PLXNA4: variants seen among roughly 807,000 people sequenced by gnomAD.
PLXNA4 encodes plexin A4.
PLXNA4 carries 44 observed loss-of-function variants against 191.8 expected under a neutral mutation model. The observed-to-expected ratio is 0.23, with a 90% CI of 0.18 to 0.29. PLXNA4 has a LOEUF of 0.29. Among genes scored for constraint, PLXNA4 ranks in the 10% least tolerant of loss-of-function variants. PLXNA4 has a pLI of 1.00. For missense variants in PLXNA4, 1,800 were observed against 2,488.8 expected, an observed-to-expected ratio of 0.72 and a Z score of 5.89; for synonymous variants, 1,082 against 1,009.5, an observed-to-expected ratio of 1.07 and a Z score of -1.36.
At chr7:132,487,808 A>T (rs899384838) in intron 3 of PLXNA4, among the ~76,000 whole-genome samples, 2 of 152,230 alleles carry the variant, frequency 1.3e-5, no homozygotes, top group Admixed American at 6.5e-5. Context: ...TTCCCTGGGC[A>T]TCCACAAAAC....
At position 132,257,505 on chromosome 7, in the gene PLXNA4, T is replaced by C. The variant is rs1408932427; in HGVS notation, c.1504-16339A>G. Among the ~76,000 whole-genome samples, 5 of 152,136 alleles carry C rather than the reference T, an allele frequency of 3.3e-5. No homozygotes were observed. The East Asian group carries it at 9.7e-4, about 29-fold the overall frequency. ...GTCTGACTTCATGAGACTTTACCAA[T>C]TATGGAATTGTTTCACTGGATCCAG... On this transcript the variant is annotated intron_variant, in intron 4 of 31. Coordinates refer to ENST00000321063, the MANE Select transcript of PLXNA4 (RefSeq NM_020911.2).
At chr7:132,561,898 TCTC>T (rs1563173251) in intron 1 of PLXNA4, among the ~76,000 whole-genome samples, 1 of 78,188 alleles carries the variant, frequency 1.3e-5, no homozygotes, top group African/African-American at 5.0e-5. Flanking sequence ...GCCTTCTCCT[TCTC>T]CTTCTCCTCC....
At chr7:132,188,666 T>C (rs1273912459) in intron 14 of PLXNA4, among the ~76,000 whole-genome samples, 1 of 152,010 alleles carries the variant, frequency 6.6e-6, no homozygotes, top group Non-Finnish European at 1.5e-5. Context: ...AGTATCCCTG[T>C]AACATGGGCC....
chr7:132,523,247 G>T (rs1035139978), intron 1 of PLXNA4, among the ~76,000 whole-genome samples: 8 of 152,280 alleles, frequency 5.3e-5, no homozygotes, highest in African/African-American at 1.9e-4. Context: ...AAAGAAAAAA[G>T]AAGCAAAGTC....
chr7:132,443,273 T>C (rs1795762643), intron 3 of PLXNA4, among the ~76,000 whole-genome samples: 2 of 152,218 alleles, frequency 1.3e-5, no homozygotes, highest in Admixed American at 6.5e-5. Context: ...AGTACCATCC[T>C]TGTTGCACCC....
intron 30 of PLXNA4, among the ~76,000 whole-genome samples, chr7:132,139,463 C>T (rs1420528023): frequency 6.6e-6 from 1 of 152,152 alleles, no homozygotes; most frequent in Non-Finnish European, 1.5e-5. Flanking sequence ...TCTAGGTTTC[C>T]TATATTTAAG....
At chr7:132,227,765 G>A (rs1798378387) in intron 6 of PLXNA4, among the ~76,000 whole-genome samples, 161 bp from the exon 7 acceptor site, 1 of 152,226 alleles carries the variant, frequency 6.6e-6, no homozygotes. Context: ...GTTATTAGGA[G>A]AGTGGCACAG....
At chr7:132,588,704 G>A (rs1336774328) in intron 2 of PLXNA4, among the ~76,000 whole-genome samples, 2 of 130,620 alleles carry the variant, frequency 1.5e-5, no homozygotes, top group South Asian at 2.6e-4. Flanking sequence ...GGGAGGGAGG[G>A]GAGAGGAAGA....
chr7:132,412,701 A>G (rs1436871430), intron 3 of PLXNA4, among the ~76,000 whole-genome samples: 5 of 152,052 alleles, frequency 3.3e-5, no homozygotes, highest in Non-Finnish European at 7.4e-5. Flanking sequence ...AGCATGGGGG[A>G]GTTCTTCGTT....
At chr7:132,271,557 G>A (rs1400991466) in intron 4 of PLXNA4, among the ~76,000 whole-genome samples, 1 of 152,128 alleles carries the variant, frequency 6.6e-6, no homozygotes, top group African/African-American at 2.4e-5. Flanking sequence ...CACCTCTTTG[G>A]TATAGAAGTC....
intron 3 of PLXNA4, among the ~76,000 whole-genome samples, chr7:132,471,347 A>G (rs1796926692): frequency 6.6e-6 from 1 of 151,830 alleles, no homozygotes; most frequent in Admixed American, 6.6e-5. Flanking sequence ...ATACAAATAG[A>G]CCGTTGTGTG....
Position 132,347,578 on chromosome 7 carries a change from C to T in PLXNA4, c.1372-49356G>A, listed in dbSNP as rs572249628. On this transcript the variant is annotated intron_variant, in intron 3 of 31. Transcript: ENST00000321063. ...GGCTGCCCAAAAAGCCGTCCAAAAT[C>T]GTTTGGTAGGAAATGGCAGCTGGGT... 2.0e-4 allele frequency among the ~76,000 whole-genome samples: 31 copies of T among 152,236 alleles called. 1 individual carries two copies. Among genetic ancestry groups the T allele is most frequent in the African/African-American group, 7.5e-4 (31 of 41,558 alleles).
intron 21 of PLXNA4, among the ~76,000 whole-genome samples, chr7:132,170,012 G>C (rs1171951135): frequency 6.6e-6 from 1 of 151,962 alleles, no homozygotes; most frequent in Non-Finnish European, 1.5e-5. Context: ...TGAGGGCTCT[G>C]TCTCCCCAAG....
At position 132,145,037 on chromosome 7, in the gene PLXNA4, AG is replaced by A. The variant is rs887035512; in HGVS notation, c.5225+81del. On this transcript the variant is annotated intron_variant, in intron 29 of 31. Coordinates refer to ENST00000321063, the MANE Select transcript of PLXNA4 (RefSeq NM_020911.2). ...AGGCTCTGGCCAGCCCTTCTCCTGG[AG>A]GCCCAGAGTCCCACCACCATTAACT... The A allele has an allele frequency of 6.4e-5, 103 of 1,598,394 alleles. No homozygotes were observed. In the African/African-American group the frequency reaches 1.3e-3, roughly 20 times the overall value.
intron 4 of PLXNA4, among the ~76,000 whole-genome samples, chr7:132,263,688 C>T (rs1799739177): frequency 6.6e-6 from 1 of 152,176 alleles, no homozygotes; most frequent in South Asian, 2.1e-4. Flanking sequence ...TTATGGAGCA[C>T]TGGACTCAAA....
rs1803423538 is a variant in PLXNA4 at position 132,350,149 on chromosome 7, GT to G, written c.1372-51928del. On this transcript the variant is annotated intron_variant, in intron 3 of 31. Transcript: ENST00000321063. Reference sequence around the variant, plus strand: ...CTGGTTAATCATCACCACAGCTGAGGTTTAAATTCTGTTCACAAGTTAATTG... The same window carrying G: ...CTGGTTAATCATCACCACAGCTGAGGTTAAATTCTGTTCACAAGTTAATTG... 4.6e-5 allele frequency among the ~76,000 whole-genome samples: 7 copies of G among 152,256 alleles called. 1 individual carries two copies. In the South Asian group the frequency reaches 1.5e-3, roughly 32 times the overall value.
chr7:132,567,756 C>T (rs76782735), intron 1 of PLXNA4, among the ~76,000 whole-genome samples: 5,168 of 152,312 alleles, frequency 0.034, 198 homozygotes, highest in African/African-American at 0.089. Flanking sequence ...ATGATTCCCA[C>T]TGTTTTCATT....
chr7:132,148,273 C>G (rs1396767575), intron 26 of PLXNA4, among the ~76,000 whole-genome samples: 2 of 152,176 alleles, frequency 1.3e-5, no homozygotes, highest in African/African-American at 4.8e-5. Flanking sequence ...GATGACCCAG[C>G]CTTAAATGCC....
chr7:132,188,164 G>C (rs1486649597), intron 14 of PLXNA4, among the ~76,000 whole-genome samples: 1 of 152,138 alleles, frequency 6.6e-6, no homozygotes, highest in Non-Finnish European at 1.5e-5. Context: ...AGAGCAATGG[G>C]AAGTGAGAGC....
Sources: allele counts gnomAD v4.1 joint callset (sites outside exome capture counted in the v4.1 genomes callset), GRCh38; gene constraint gnomAD v4.1.1; transcripts MANE v1.5; gene names NCBI Gene and HGNC (gene_info 2026-07-23, HGNC 2026-07-21).